FABP12: variants seen among roughly 807,000 people sequenced by gnomAD.
FABP12 encodes the protein fatty acid binding protein 12.
FABP12 carries 19 observed loss-of-function variants against 13.7 expected under a neutral mutation model. That is an observed-to-expected ratio of 1.39 (90% CI 0.97 to 2.04). The LOEUF (loss-of-function observed/expected upper bound fraction) is 2.04. Ranked by LOEUF, FABP12 falls within the 30% of genes most tolerant of loss-of-function variation. The pLI, the probability that FABP12 is intolerant of heterozygous loss-of-function variation, is 0.00. For synonymous variants in FABP12, 61 were observed against 57.0 expected, an observed-to-expected ratio of 1.07 and a Z score of -0.32; for missense variants, 182 against 164.2, an observed-to-expected ratio of 1.11 and a Z score of -0.59.
In FABP12 at chr8:81,585,326, A is replaced by T. The variant is rs190722161; in HGVS notation, c.-185+4727T>A. ...ATAGTTATCCAGTTTTACCAGCATC[A>T]TTTATTAAAGACTGTCCTTTCCCTA... On this transcript the variant is annotated intron_variant, in intron 1 of 5. Coordinates refer to the FABP12 transcript ENST00000692030. Among the ~76,000 whole-genome samples, 728 of 152,302 alleles carry T rather than the reference A, an allele frequency of 4.8e-3. 3 individuals are homozygous for T. Among genetic ancestry groups the T allele is most frequent in the South Asian group, 8.7e-3 (42 of 4,830 alleles).
chr8:81,553,527 C>A (rs1033669290), intron 1 of FABP12, among the ~76,000 whole-genome samples: 1 of 152,048 alleles, frequency 6.6e-6, no homozygotes, highest in Non-Finnish European at 1.5e-5. Context: ...TTCTGCAGAG[C>A]AGAATTATCA....
chr8:81,559,924 C>A (rs1451301377), intron 1 of FABP12, among the ~76,000 whole-genome samples: 1 of 152,296 alleles, frequency 6.6e-6, no homozygotes, highest in African/African-American at 2.4e-5. Context: ...ATAGTTCAAA[C>A]CATTCTTTGT....
At chr8:81,579,302 C>A (rs748305413) in intron 1 of FABP12, among the ~76,000 whole-genome samples, 1 of 151,834 alleles carries the variant, frequency 6.6e-6, no homozygotes, top group East Asian at 1.9e-4. Context: ...CAGATTTCTC[C>A]GACAGCAATG....
chr8:81,573,892 G>A (rs4520121), intron 1 of FABP12, among the ~76,000 whole-genome samples: 9,161 of 152,084 alleles, frequency 0.06, 306 homozygotes, highest in South Asian at 0.12. Flanking sequence ...CAATCATATC[G>A]TCAGCAAACA....
chr8:81,529,024 G>A (rs909532185), intron 3 of FABP12, among the ~76,000 whole-genome samples: 2 of 152,048 alleles, frequency 1.3e-5, no homozygotes, highest in Non-Finnish European at 2.9e-5. Flanking sequence ...ACTCACTCCA[G>A]GCTTGTGGTT....
intron 1 of FABP12, among the ~76,000 whole-genome samples, chr8:81,572,608 C>A (rs538609176): frequency 6.6e-6 from 1 of 152,150 alleles, no homozygotes; most frequent in African/African-American, 2.4e-5. Flanking sequence ...CGCATCCATA[C>A]CAACATCTAC....
chr8:81,578,737 G>A (rs996525564), intron 1 of FABP12, among the ~76,000 whole-genome samples: 4 of 151,002 alleles, frequency 2.6e-5, no homozygotes, highest in South Asian at 2.1e-4. Context: ...GTCCACCTCG[G>A]CCTCCTAAAG....
intron 1 of FABP12, among the ~76,000 whole-genome samples, chr8:81,588,899 A>G (rs1350013321): frequency 6.6e-6 from 1 of 152,174 alleles, no homozygotes; most frequent in African/African-American, 2.4e-5. Context: ...CTGGCAGTGG[A>G]TATGTCCAAA....
intron 1 of FABP12, among the ~76,000 whole-genome samples, chr8:81,577,277 ATTATGTAT>A (rs1810064695): frequency 1.3e-5 from 2 of 152,172 alleles, no homozygotes; most frequent in Admixed American, 1.3e-4. Context: ...GATTATTAAG[ATTATGTAT>A]TTATTTTTGA....
chr8:81,543,879 A>G (rs1327405780), intron 1 of FABP12, among the ~76,000 whole-genome samples: 2 of 152,168 alleles, frequency 1.3e-5, no homozygotes, highest in African/African-American at 4.8e-5. Context: ...CAGGCAGAAA[A>G]TAGGCCATCC....
intron 1 of FABP12, among the ~76,000 whole-genome samples, chr8:81,588,457 A>G (rs1217934555): frequency 6.6e-6 from 1 of 152,118 alleles, no homozygotes; most frequent in African/African-American, 2.4e-5. Flanking sequence ...TAGATTGTTC[A>G]CTGTTGGTAT....
chr8:81,533,891 C>T (rs1309405342), exon 1 of FABP12, among the ~76,000 whole-genome samples: 1 of 152,148 alleles, frequency 6.6e-6, no homozygotes, highest in African/African-American at 2.4e-5. Context: ...GACTTGATGA[C>T]TCTGTGGGTC....
intron 1 of FABP12, among the ~76,000 whole-genome samples, chr8:81,586,034 C>A (rs1271783684): frequency 6.6e-6 from 1 of 152,128 alleles, no homozygotes; most frequent in Non-Finnish European, 1.5e-5. Flanking sequence ...CTATTGTTCC[C>A]TTCTTTGTGT....
chr8:81,529,670 TTACAA>T, intron 2 of FABP12, 60 bp from the exon 3 acceptor site: 1 of 1,393,992 alleles, frequency 7.2e-7, no homozygotes, highest in Non-Finnish European at 9.9e-7. Context: ...ATACATTACA[TTACAA>T]TACAATACTT....
At chr8:81,546,144 T>C (rs1159664076) in intron 1 of FABP12, among the ~76,000 whole-genome samples, 1 of 152,228 alleles carries the variant, frequency 6.6e-6, no homozygotes, top group Non-Finnish European at 1.5e-5. Flanking sequence ...ACAATGGTTC[T>C]TAGAAGTAGC....
At chr8:81,580,365 C>T (rs1348582561) in intron 1 of FABP12, among the ~76,000 whole-genome samples, 4 of 152,066 alleles carry the variant, frequency 2.6e-5, no homozygotes, top group Non-Finnish European at 4.4e-5. Flanking sequence ...TTTAGATGAA[C>T]TCTATTTTAC....
At chr8:81,530,232 C>G (rs1809029655) in intron 2 of FABP12, among the ~76,000 whole-genome samples, 1 of 152,110 alleles carries the variant, frequency 6.6e-6, no homozygotes, top group Admixed American at 6.6e-5. Flanking sequence ...TTTCAACTTG[C>G]TTTTTCCCCT....
intron 2 of FABP12, among the ~76,000 whole-genome samples, chr8:81,530,540 T>C (rs1463331632): frequency 6.6e-6 from 1 of 152,202 alleles, no homozygotes; most frequent in Non-Finnish European, 1.5e-5. Flanking sequence ...GGAAGATATA[T>C]TGGGAAAATA....
At chr8:81,567,939 G>A (rs1809858334) in intron 1 of FABP12, among the ~76,000 whole-genome samples, 1 of 151,938 alleles carries the variant, frequency 6.6e-6, no homozygotes, top group Non-Finnish European at 1.5e-5. Context: ...GGCGAACAAG[G>A]TGAAACCCCG....
Sources: gnomAD v4.1 joint callset for allele counts (sites outside exome capture counted in the v4.1 genomes callset) on GRCh38, gnomAD v4.1.1 for gene constraint, MANE v1.5 for transcripts, NCBI Gene and HGNC (gene_info 2026-07-23, HGNC 2026-07-21) for gene names.